UGT1A4: variants seen among roughly 807,000 people sequenced by gnomAD.
UGT1A4 encodes UDP-glucuronosyltransferase 1A4.
Under a neutral mutation model 41.1 loss-of-function variants are expected in UGT1A4, and 32 were observed. The ratio of observed to expected loss-of-function variants is 0.78; its 90% confidence interval spans 0.59 to 1.05. The LOEUF (loss-of-function observed/expected upper bound fraction) is 1.05, where lower values mean the gene tolerates loss of function less well. Ranked by LOEUF, UGT1A4 falls within the 50% of genes least tolerant of loss-of-function variation. UGT1A4 has a pLI of 0.00. For synonymous variants in UGT1A4, 283 were observed against 265.1 expected, an observed-to-expected ratio of 1.07 and a Z score of -0.66; for missense variants, 748 against 677.4, an observed-to-expected ratio of 1.10 and a Z score of -1.16.
chr2:233,757,535 A>AATATATATATAT (rs67292694), intron 1 of UGT1A4, among the ~76,000 whole-genome samples: 911 of 88,202 alleles, frequency 0.01, 30 homozygotes, highest in Middle Eastern at 0.029. Context: ...GCCTGTAAGG[A>AATATATATATAT]ATATATATAT....
intron 1 of UGT1A4, among the ~76,000 whole-genome samples, chr2:233,740,368 A>C (rs1423573410): frequency 6.6e-6 from 1 of 151,928 alleles, no homozygotes; most frequent in Non-Finnish European, 1.5e-5. Flanking sequence ...AATTCCTAGA[A>C]AGGTAAGTTG....
At position 233,729,155 on chromosome 2, in the gene UGT1A4, C is replaced by T. The variant is rs754518469; in HGVS notation, c.867+9468C>T. The T allele has an allele frequency of 1.4e-5, 23 of 1,613,596 alleles. No homozygotes were observed. The highest frequency in any genetic ancestry group is 5.0e-5 in the Admixed American group (3 of 60,022). On this transcript the variant is annotated intron_variant, in intron 1 of 4. Coordinates refer to ENST00000373409, the MANE Select transcript of UGT1A4 (RefSeq NM_007120.3). ...GCCACAGGACTCCAGGTTCCCCTGC[C>T]GTGGCTGGCCACAGGACTGCTGCTT...
In UGT1A4 at chr2:233,725,264, G is replaced by GGCA. The variant is rs1216362118; in HGVS notation, c.867+5578_867+5579insCAG. Among the ~76,000 whole-genome samples the GGCA allele has an allele frequency of 1.9e-4, 11 of 58,536 alleles. 1 individual carries two copies. The highest frequency in any genetic ancestry group is 1.2e-3 in the African/African-American group (9 of 7,624). 38.4% of individuals were successfully genotyped at this position (58,536 alleles called of 152,430 possible). On this transcript the variant is annotated intron_variant, in intron 1 of 4. Transcript: ENST00000373409. ...CAGAGGCAGAGGAGGCAGAGGCAGA[G>GGCA]GAGGCAGAGGCAGAGGCAGAGGCAG...
At chr2:233,734,101 TATA>T (rs549143261) in intron 1 of UGT1A4, among the ~76,000 whole-genome samples, 12 of 151,314 alleles carry the variant, frequency 7.9e-5, no homozygotes, top group South Asian at 4.2e-4. Flanking sequence ...AAACTTAAAG[TATA>T]ATAATAATAA....
intron 1 of UGT1A4, among the ~76,000 whole-genome samples, chr2:233,726,709 G>T (rs2077553712): frequency 6.6e-6 from 1 of 152,172 alleles, no homozygotes; most frequent in African/African-American, 2.4e-5. Context: ...TCCCAGGTTT[G>T]AGGAAGTACA....
intron 1 of UGT1A4, among the ~76,000 whole-genome samples, chr2:233,737,198 G>A (rs2078851013): frequency 6.6e-6 from 1 of 152,216 alleles, no homozygotes; most frequent in Non-Finnish European, 1.5e-5. Flanking sequence ...TTGCTGAGCT[G>A]CGGTGGACTC....
At chr2:233,753,561 G>A (rs1235204227) in intron 1 of UGT1A4, 1 of 152,192 alleles carries the variant, frequency 6.6e-6, no homozygotes, top group African/African-American at 2.4e-5. Flanking sequence ...GACCCTAGAA[G>A]ATGGGACCCT....
chr2:233,762,447 C>T (rs867092179), intron 1 of UGT1A4, among the ~76,000 whole-genome samples: 2 of 152,128 alleles, frequency 1.3e-5, no homozygotes, highest in Non-Finnish European at 2.9e-5. Context: ...TTCCCACTGC[C>T]CACTTACCGA....
At chr2:233,766,701 C>T (rs1699231181) in intron 1 of UGT1A4, among the ~76,000 whole-genome samples, 1 of 152,122 alleles carries the variant, frequency 6.6e-6, no homozygotes, top group Admixed American at 6.5e-5. Flanking sequence ...ATGCCTTGCT[C>T]TGTGTTCTCT....
rs141853649 is a variant in UGT1A4 at position 233,739,471 on chromosome 2, G to A, written c.867+19784G>A. ...CACAGGGTTGGAGCTGCCTGAGACCGTGGGAGCCCATTTCTGGCATCACCT... is the reference window on the plus strand; with the variant it reads ...CACAGGGTTGGAGCTGCCTGAGACCATGGGAGCCCATTTCTGGCATCACCT... On this transcript the variant is annotated intron_variant, in intron 1 of 4. Transcript: ENST00000373409. Among the ~76,000 whole-genome samples the A allele has an allele frequency of 2.4e-3, 366 of 152,340 alleles. 1 individual carries two copies. Among genetic ancestry groups the A allele is most frequent in the African/African-American group, 7.9e-3 (330 of 41,576 alleles).
intron 1 of UGT1A4, chr2:233,760,237 TATATATATATAA>T (rs1319876317): frequency 6.3e-7 from 1 of 1,597,346 alleles, no homozygotes; most frequent in South Asian, 1.1e-5. Flanking sequence ...TTTTGCCATA[TATATATATATAA>T]GTAGGAGAGG....
At chr2:233,748,007 C>T (rs1468299644) in intron 1 of UGT1A4, 2 of 1,613,408 alleles carry the variant, frequency 1.2e-6, no homozygotes, top group Admixed American at 1.7e-5. Context: ...TGATGGATTA[C>T]CCCAGGCCGA....
chr2:233,731,428 C>G (rs2078158900), intron 1 of UGT1A4, among the ~76,000 whole-genome samples: 1 of 152,060 alleles, frequency 6.6e-6, no homozygotes, highest in South Asian at 2.1e-4. Context: ...AATGCCATCC[C>G]TCCCCCAGTC....
At chr2:233,754,114 G>A (rs1442882252) in intron 1 of UGT1A4, among the ~76,000 whole-genome samples, 1 of 152,128 alleles carries the variant, frequency 6.6e-6, no homozygotes, top group Non-Finnish European at 1.5e-5. Flanking sequence ...CCTACATCAC[G>A]AGCATTTATG....
chr2:233,767,823 C>T (rs763238770), intron 2 of UGT1A4, 26 bp from the exon 3 acceptor site: 36 of 1,614,026 alleles, frequency 2.2e-5, no homozygotes, highest in Non-Finnish European at 2.7e-5. Context: ...TCTTTCTTTA[C>T]GTTCTGCTCT....
intron 1 of UGT1A4, among the ~76,000 whole-genome samples, chr2:233,757,257 G>C (rs1486497078): frequency 6.8e-6 from 1 of 147,916 alleles, no homozygotes; most frequent in Non-Finnish European, 1.5e-5. Flanking sequence ...GGTTATTCAG[G>C]TGGCAGCCGA....
At chr2:233,770,024 C>A (rs1031341974) in intron 4 of UGT1A4, 31 of 161,058 alleles carry the variant, frequency 1.9e-4, no homozygotes, top group Non-Finnish European at 2.6e-4. Context: ...TCTTTCCCTG[C>A]ACTGTTGAAG....
intron 1 of UGT1A4, among the ~76,000 whole-genome samples, chr2:233,766,449 C>T (rs1213957356): frequency 6.6e-6 from 1 of 152,156 alleles, no homozygotes; most frequent in Non-Finnish European, 1.5e-5. Flanking sequence ...TGTCTGCCTG[C>T]TAGGGTCTTG....
chr2:233,735,770 G>A (rs1420645187), intron 1 of UGT1A4, among the ~76,000 whole-genome samples: 1 of 152,120 alleles, frequency 6.6e-6, no homozygotes, highest in Non-Finnish European at 1.5e-5. Flanking sequence ...CACTTATGAA[G>A]CTTACTTTGG....
Sources: allele counts gnomAD v4.1 joint callset (sites outside exome capture counted in the v4.1 genomes callset), GRCh38; gene constraint gnomAD v4.1.1; transcripts MANE v1.5; gene names NCBI Gene and HGNC (gene_info 2026-07-23, HGNC 2026-07-21).